ENOX2: variants seen among roughly 807,000 people sequenced by gnomAD.
ENOX2 encodes the protein ecto-NOX disulfide-thiol exchanger 2.
Under a neutral mutation model 45.0 loss-of-function variants are expected in ENOX2, and 36 were observed. The ratio of observed to expected loss-of-function variants is 0.80; its 90% confidence interval spans 0.61 to 1.06. The LOEUF is 1.06. ENOX2 is among the 50% of genes least tolerant of loss of function. The probability of loss-of-function intolerance (pLI) is 0.00; values close to 1 mark genes in which losing one functional copy is unlikely to be tolerated. For missense variants in ENOX2, 423 were observed against 462.5 expected (o/e 0.91, Z 0.78); for synonymous variants, 174 against 152.3 (o/e 1.14, Z -1.05).
intron 2 of ENOX2, among the ~76,000 whole-genome samples, chrX:130,832,705 C>T (rs2077857910): frequency 9.0e-6 from 1 of 110,823 alleles, no homozygotes; most frequent in African/African-American, 3.3e-5. Context: ...ACACATCTAG[C>T]CCTAGTATTA....
At position 130,864,343 on chromosome X, in the gene ENOX2, G is replaced by A. The variant is rs755059329; in HGVS notation, c.-183+37341C>T. Among the ~76,000 whole-genome samples, 4 of 110,609 alleles carry A rather than the reference G, an allele frequency of 3.6e-5. No homozygotes were observed. The South Asian group carries it at 1.2e-3, about 32-fold the overall frequency. On this transcript the variant is annotated intron_variant, in intron 2 of 14. Coordinates refer to ENST00000394363, the MANE Select transcript of ENOX2 (RefSeq NM_006375.4). ...GTCTGAGGTCTGCCAAGAACCACCCGAGCTTGAAAGTGGATCCTCTCCCCA... is the reference window on the plus strand; with the variant it reads ...GTCTGAGGTCTGCCAAGAACCACCCAAGCTTGAAAGTGGATCCTCTCCCCA...
At chrX:130,656,781 A>AT (rs201093516) in intron 9 of ENOX2, 86 bp from the exon 10 acceptor site, 247 of 543,594 alleles carry the variant, frequency 4.5e-4, no homozygotes, top group Admixed American at 1.7e-3. Context: ...ATAAAGCAGC[A>AT]TTTTTTTTTG....
chrX:130,846,871 G>GA (rs1302087940), intron 2 of ENOX2, among the ~76,000 whole-genome samples: 2 of 112,023 alleles, frequency 1.8e-5, no homozygotes, highest in Admixed American at 9.5e-5. Context: ...TAGGCAGAGA[G>GA]AAAAAATCCA....
intron 3 of ENOX2, among the ~76,000 whole-genome samples, chrX:130,728,835 T>G (rs1419497503): frequency 9.0e-6 from 1 of 111,662 alleles, no homozygotes; most frequent in Non-Finnish European, 1.9e-5. Flanking sequence ...ATTTTCTTTT[T>G]CAGGAGGTAA....
At chrX:130,634,668 T>C (rs1345626232) in intron 12 of ENOX2, among the ~76,000 whole-genome samples, 1 of 111,932 alleles carries the variant, frequency 8.9e-6, no homozygotes, top group Non-Finnish European at 1.9e-5. Context: ...TGTTGCTATT[T>C]GCTTGACAAG....
chrX:130,821,705 A>T (rs867339022), intron 2 of ENOX2, among the ~76,000 whole-genome samples: 23 of 74,217 alleles, frequency 3.1e-4, no homozygotes, highest in African/African-American at 3.6e-4. Context: ...AAAAAAAATT[A>T]AAAAAAAAAT....
intron 2 of ENOX2, among the ~76,000 whole-genome samples, chrX:130,846,358 A>G (rs374043874): frequency 9.4e-6 from 1 of 105,995 alleles, no homozygotes; most frequent in African/African-American, 3.5e-5. Context: ...TTTTTTTGAG[A>G]CGAAGTTTCC....
At chrX:130,720,294 G>A (rs1412810880) in intron 3 of ENOX2, among the ~76,000 whole-genome samples, 1 of 112,332 alleles carries the variant, frequency 8.9e-6, no homozygotes, top group Non-Finnish European at 1.9e-5. Flanking sequence ...GGGCTTTTCT[G>A]AGGAAAACAG....
At chrX:130,685,832 G>T (rs1413108653) in intron 5 of ENOX2, among the ~76,000 whole-genome samples, 2 of 111,526 alleles carry the variant, frequency 1.8e-5, no homozygotes, top group African/African-American at 6.5e-5. Flanking sequence ...GTGATGGATT[G>T]AAGACAGTCA....
chrX:130,758,035 A>T (rs754552880), intron 3 of ENOX2, among the ~76,000 whole-genome samples: 1 of 112,380 alleles, frequency 8.9e-6, no homozygotes, highest in African/African-American at 3.2e-5. Flanking sequence ...ATGAGAAGTA[A>T]AGCAGTCCTC....
intron 2 of ENOX2, among the ~76,000 whole-genome samples, chrX:130,828,133 A>G (rs769418211): frequency 1.5e-4 from 17 of 112,081 alleles, no homozygotes; most frequent in African/African-American, 5.5e-4. Context: ...TATTACCACA[A>G]TCTTTTTAGA....
At chrX:130,734,485 T>C (rs1003090006) in intron 3 of ENOX2, among the ~76,000 whole-genome samples, 9 of 111,442 alleles carry the variant, frequency 8.1e-5, no homozygotes, top group Non-Finnish European at 1.7e-4. Context: ...GGCTGCGAGT[T>C]GTAGAGGAGA....
At chrX:130,877,781 A>T (rs181481334) in intron 2 of ENOX2, among the ~76,000 whole-genome samples, 2 of 112,132 alleles carry the variant, frequency 1.8e-5, no homozygotes, top group East Asian at 5.7e-4. Context: ...TCACAACAGC[A>T]AGGGGCAGTT....
At chrX:130,702,104 A>G (rs1317145829) in intron 4 of ENOX2, among the ~76,000 whole-genome samples, 3 of 111,626 alleles carry the variant, frequency 2.7e-5, no homozygotes, top group South Asian at 7.6e-4. Context: ...CACCCTCATT[A>G]TAACTTATAA....
rs34420863 is a variant in ENOX2 at position 130,733,350 on chromosome X, CT to C, written c.-38-30097del. Among the ~76,000 whole-genome samples, 857 of 99,518 alleles carry C rather than the reference CT, an allele frequency of 8.6e-3. 4 individuals are homozygous for C. The highest frequency in any genetic ancestry group is 0.021 in the Middle Eastern group (4 of 188). 86.4% of individuals were successfully genotyped at this position (99,518 alleles called of 115,157 possible). ...GATCAATATATACCTGTTAGAATGG[CT>C]TTTTTTTTTTTTTAAAGTGACAACA... On this transcript the variant is annotated intron_variant, in intron 3 of 14. Transcript: ENST00000394363.
chrX:130,656,724 G>A (rs201943734), intron 9 of ENOX2, 29 bp from the exon 10 acceptor site: 9 of 816,143 alleles, frequency 1.1e-5, no homozygotes, highest in African/African-American at 8.2e-5. Flanking sequence ...CTTTTTAGGT[G>A]GGAATTCCTT....
intron 2 of ENOX2, among the ~76,000 whole-genome samples, chrX:130,792,347 C>A (rs1017889902): frequency 8.9e-6 from 1 of 111,897 alleles, no homozygotes; most frequent in African/African-American, 3.3e-5. Context: ...ACAACAAAAT[C>A]CCATGACATG....
chrX:130,646,339 G>T, intron 10 of ENOX2: 1 of 264,914 alleles, frequency 3.8e-6, no homozygotes, highest in Non-Finnish European at 6.8e-6. Flanking sequence ...ACAGGCCAGT[G>T]GACTTACTCC....
chrX:130,662,622 C>G (rs1235624820), intron 9 of ENOX2, among the ~76,000 whole-genome samples: 1 of 111,601 alleles, frequency 9.0e-6, no homozygotes, highest in African/African-American at 3.3e-5. Context: ...TTATTTCTCA[C>G]AGGATACCTC....
Sources: allele counts gnomAD v4.1 joint callset (sites outside exome capture counted in the v4.1 genomes callset), GRCh38; gene constraint gnomAD v4.1.1; transcripts MANE v1.5; gene names NCBI Gene and HGNC (gene_info 2026-07-23, HGNC 2026-07-21).